RRBP1: variants seen among roughly 807,000 people sequenced by gnomAD.
The protein encoded by RRBP1 is ribosome-binding protein 1.
Under a neutral mutation model 165.2 loss-of-function variants are expected in RRBP1, and 94 were observed. The observed-to-expected ratio is 0.57, with a 90% CI of 0.48 to 0.68. The LOEUF is 0.68. Ranked by LOEUF, RRBP1 falls within the 30% of genes least tolerant of loss-of-function variation. RRBP1 has a pLI of 0.00. For missense variants in RRBP1, 1,676 were observed against 1,763.0 expected, an observed-to-expected ratio of 0.95 and a Z score of 0.88; for synonymous variants, 680 against 714.5, an observed-to-expected ratio of 0.95 and a Z score of 0.77.
At chr20:17,660,900 G>C (rs2036753904) in intron 2 of RRBP1, among the ~76,000 whole-genome samples, 1 of 152,208 alleles carries the variant, frequency 6.6e-6, no homozygotes, top group Non-Finnish European at 1.5e-5. Context: ...AGACCATGGG[G>C]AGTGGTGGAG....
chr20:17,623,499 C>T (rs1310658631), intron 13 of RRBP1, among the ~76,000 whole-genome samples: 1 of 152,216 alleles, frequency 6.6e-6, no homozygotes, highest in East Asian at 1.9e-4. Context: ...CAGCCCAGCA[C>T]CCCAAAAGCA....
At chr20:17,618,225 G>C (rs190750119) in intron 20 of RRBP1, among the ~76,000 whole-genome samples, 12 of 152,372 alleles carry the variant, frequency 7.9e-5, no homozygotes, top group African/African-American at 2.9e-4. Context: ...AGGCCAGGAG[G>C]AACCCCCAGG....
rs760750630 is a variant in RRBP1 at position 17,659,151 on chromosome 20, C to T, written c.1357G>A (p.Glu453Lys). ...EGAQNQGKKA[E>K]GAQNQGKKAE... Reference sequence around the variant, plus strand: ...TTCTTGCCCTGGTTCTGGGCCCCCTCGGCCTTCTTGCCCTGGTTCTGGGCC... The same window carrying T: ...TTCTTGCCCTGGTTCTGGGCCCCCTTGGCCTTCTTGCCCTGGTTCTGGGCC... The change falls in exon 3 of 25, where the codon GAG becomes AAG. Residue 453 changes from glutamate (E) to lysine (K), a missense_variant. Physicochemically the swap from Glu to Lys is moderately conservative, Grantham distance 56. This residue lies in a region of RRBP1 where 4 missense variants were observed against 59.0 expected (regional missense o/e 0.07). Coordinates refer to ENST00000377813, the MANE Select transcript of RRBP1 (RefSeq NM_001365613.2). The T allele has an allele frequency of 6.5e-6, 10 of 1,549,134 alleles. No individual in the cohort carries two copies. The highest frequency in any genetic ancestry group is 5.9e-5 in the Admixed American group (3 of 50,906).
Position 17,613,921 on chromosome 20 carries a change from C to A in RRBP1, c.*261G>T. The A allele has an allele frequency of 2.2e-6, 1 of 445,052 alleles. No homozygotes were observed. Among genetic ancestry groups the A allele is most frequent in the Non-Finnish European group, 4.1e-6 (1 of 245,198 alleles). 27.6% of individuals were successfully genotyped at this position (445,052 alleles called of 1,614,324 possible). On this transcript the variant is annotated 3_prime_UTR_variant, in exon 25 of 25. Coordinates refer to ENST00000377813, the MANE Select transcript of RRBP1 (RefSeq NM_001365613.2). Reference sequence around the variant, plus strand: ...ACACCCACGGGGCTGTCAGAGTCAACCAGGGCTTTGGCGTCACTCGGCGGT... The same window carrying A: ...ACACCCACGGGGCTGTCAGAGTCAAACAGGGCTTTGGCGTCACTCGGCGGT...
At chr20:17,642,887 AT>A in intron 4 of RRBP1, 91 bp downstream of exon 4, 1 of 1,355,620 alleles carries the variant, frequency 7.4e-7, no homozygotes, top group Non-Finnish European at 1.0e-6. Context: ...AGGCTGTCCT[AT>A]GAATGTCCTC....
intron 1 of RRBP1, among the ~76,000 whole-genome samples, chr20:17,681,756 CGCCGCAGCTCCCCGGACGGCGAGG>C (rs2037194804): frequency 6.6e-6 from 1 of 150,804 alleles, no homozygotes; most frequent in African/African-American, 2.4e-5. Context: ...GCCCGTCTGC[CGCCGCAGCTCCCCGGACGGCGAGG>C]GCCGCGGGGT....
intron 8 of RRBP1, among the ~76,000 whole-genome samples, chr20:17,632,218 GAAT>G (rs1307107949): frequency 2.0e-5 from 3 of 152,190 alleles, no homozygotes; most frequent in Admixed American, 2.0e-4. Flanking sequence ...GGAGAGCAGG[GAAT>G]CCTCTGCCCA....
intron 5 of RRBP1, among the ~76,000 whole-genome samples, chr20:17,641,097 G>A (rs912322188): frequency 2.6e-5 from 4 of 152,202 alleles, no homozygotes; most frequent in Admixed American, 2.0e-4. Context: ...CAGGAAGGCT[G>A]GGGCACCAGG....
intron 3 of RRBP1, among the ~76,000 whole-genome samples, chr20:17,652,413 T>C (rs2036574743): frequency 6.6e-6 from 1 of 152,066 alleles, no homozygotes; most frequent in South Asian, 2.1e-4. Context: ...CCCTAGGCCC[T>C]ACACCTCCCC....
intron 2 of RRBP1, among the ~76,000 whole-genome samples, chr20:17,670,927 T>C (rs1194993899): frequency 6.6e-6 from 1 of 152,198 alleles, no homozygotes; most frequent in African/African-American, 2.4e-5. Flanking sequence ...TCCTCGCTCC[T>C]CTCCTGGAAC....
At chr20:17,630,380 G>T (rs938024963) in intron 8 of RRBP1, among the ~76,000 whole-genome samples, 1 of 152,180 alleles carries the variant, frequency 6.6e-6, no homozygotes, top group Non-Finnish European at 1.5e-5. Context: ...ACACACACAC[G>T]CACGGTGCAC....
At position 17,636,669 on chromosome 20, in the gene RRBP1, C is replaced by T; in HGVS notation, c.2245G>A (p.Val749Met). The T allele has an allele frequency of 6.2e-7, 1 of 1,613,390 alleles. No individual in the cohort carries two copies. Among genetic ancestry groups the T allele is most frequent in the Non-Finnish European group, 8.5e-7 (1 of 1,180,020 alleles). Residue 749 changes from valine to methionine, a missense_variant, in exon 6 of 25, where the codon GTG becomes ATG. Val to Met is a conservative substitution (Grantham distance 21). Coordinates refer to ENST00000377813, the MANE Select transcript of RRBP1 (RefSeq NM_001365613.2). ...AGEAKVKKQL[V>M]AREQEITAVQ... Reference sequence around the variant, plus strand: ...GCCGTGATCTCCTGCTCCCGGGCCACCAGCTGCTTTTTCACTTTGGCCTCC... The same window carrying T: ...GCCGTGATCTCCTGCTCCCGGGCCATCAGCTGCTTTTTCACTTTGGCCTCC...
chr20:17,657,912 C>T (rs1176200463), intron 3 of RRBP1, among the ~76,000 whole-genome samples: 4 of 152,202 alleles, frequency 2.6e-5, no homozygotes, highest in Non-Finnish European at 5.9e-5. Flanking sequence ...TCAACAAGCA[C>T]AGATACCCGA....
rs201910695 is a variant in RRBP1, at chr20:17,658,782, C to G, written c.1726G>C (p.Glu576Gln). The G allele has an allele frequency of 1.9e-6, 3 of 1,613,726 alleles. No homozygotes were observed. The highest frequency in any genetic ancestry group is 1.1e-5 in the South Asian group (1 of 91,052). ...GGGGACCCTTCTGCCTTTTTGCCTT[C>G]ACTGGGGGACCCTTCTGCTTTTTTC... The part of the protein sequence containing the change: ...QGKKAEGSPS[E>Q]GKKAEGSPNQ... The change falls in exon 3 of 25, where the codon GAA becomes CAA. Residue 576 changes from glutamate to glutamine, a missense_variant. Physicochemically the swap from Glu to Gln is conservative, Grantham distance 29 (BLOSUM62 2). Coordinates refer to ENST00000377813, the MANE Select transcript of RRBP1 (RefSeq NM_001365613.2).
At chr20:17,672,263 T>C (rs1490296878) in intron 2 of RRBP1, among the ~76,000 whole-genome samples, 1 of 152,224 alleles carries the variant, frequency 6.6e-6, no homozygotes, top group Non-Finnish European at 1.5e-5. Flanking sequence ...TCTCAAGATA[T>C]GAGCTTCGTT....
chr20:17,676,773 CAG>C (rs1388082417), intron 2 of RRBP1, among the ~76,000 whole-genome samples: 8 of 152,194 alleles, frequency 5.3e-5, no homozygotes, highest in African/African-American at 1.9e-4. Context: ...TATTATGAGA[CAG>C]AGTCTCACTC....
Position 17,641,840 on chromosome 20 carries a change from T to C in RRBP1, c.2141A>G (p.Glu714Gly), listed in dbSNP as rs766358457. 6.2e-7 allele frequency: 1 copy of C among 1,613,966 alleles called. No individual in the cohort carries two copies. Among genetic ancestry groups the C allele is most frequent in the South Asian group, 1.1e-5 (1 of 91,076 alleles). ...EKEKLLATEQ[E>G]DAAVAKSKLR... ...TTTGCTCTTGGCGACAGCCGCATCT[T>C]CCTGTTCTGTGGCCAGCAGTTTTTC... The change falls in exon 5 of 25, where the codon GAA becomes GGA. Residue 714 changes from glutamate to glycine, a missense_variant. Physicochemically the swap from Glu to Gly is moderately conservative, Grantham distance 98. Coordinates refer to ENST00000377813, the MANE Select transcript of RRBP1 (RefSeq NM_001365613.2).
rs555302567 is a variant in RRBP1 at position 17,641,788 on chromosome 20, A to G, written c.2184+9T>C. 3 of 1,612,056 alleles carry G rather than the reference A, an allele frequency of 1.9e-6. No individual in the cohort carries two copies. Among genetic ancestry groups the G allele is most frequent in the South Asian group, 2.2e-5 (2 of 91,026 alleles). On this transcript the variant is annotated intron_variant, in intron 5 of 24. Transcript: ENST00000377813. ...GGACAAACCATCTCCGAGCCCACTC[A>G]GGCTGTACCTTGTTGAGCTCCCTCA...
At chr20:17,638,077 C>A (rs1228438455) in intron 5 of RRBP1, among the ~76,000 whole-genome samples, 2 of 152,136 alleles carry the variant, frequency 1.3e-5, no homozygotes, top group African/African-American at 4.8e-5. Context: ...AGGACGCCTG[C>A]CCTTCTGTGT....
Sources: gnomAD v4.1 joint callset for allele counts (sites outside exome capture counted in the v4.1 genomes callset) on GRCh38, gnomAD v4.1.1 for gene constraint, gnomAD v4.1.1 regional missense constraint, MANE v1.5 for transcripts, NCBI Gene and HGNC (gene_info 2026-07-23, HGNC 2026-07-21) for gene names.